The following NPY2R variants were observed in gnomAD, a reference collection of about 807,000 sequenced individuals.
The protein encoded by NPY2R is neuropeptide Y receptor Y2.
A neutral mutation model predicts 22.3 loss-of-function variants in NPY2R; 17 were observed. The observed-to-expected ratio is 0.76, with a 90% CI of 0.52 to 1.14. NPY2R has a LOEUF of 1.14. NPY2R is among the 50% of genes most tolerant of loss of function. The pLI is 0.00. For missense variants in NPY2R, 424 were observed against 467.9 expected, an observed-to-expected ratio of 0.91 and a Z score of 0.87; for synonymous variants, 209 against 183.4, an observed-to-expected ratio of 1.14 and a Z score of -1.13.
chr4:155,216,325 AT>A lies in NPY2R; in HGVS notation c.*1246del, dbSNP rs1326896715. ...AATTGTAGAACATAGATGCTACAGT[AT>A]TTTTTATTTAATTATATTATGAATA... On this transcript the variant is annotated 3_prime_UTR_variant, in exon 2 of 2. Coordinates refer to ENST00000329476, the MANE Select transcript of NPY2R (RefSeq NM_000910.4). 7.8e-5 allele frequency: 13 copies of A among 166,730 alleles called. No homozygotes were observed. Among genetic ancestry groups the A allele is most frequent in the African/African-American group, 1.2e-4 (5 of 41,548 alleles). 10.3% of individuals were successfully genotyped at this position (166,730 alleles called of 1,614,324 possible). A position where few individuals can be genotyped will look rare whatever the true frequency, so the allele number is the denominator to read the frequency against.
chr4:155,176,324 C>G, the NPY2R span, among the ~76,000 whole-genome samples: 1 of 151,854 alleles, frequency 6.6e-6, no homozygotes, highest in African/African-American at 2.4e-5. Context: ...CGAACACCAG[C>G]AGCCCTGCCT....
chr4:155,194,337 T>G, the NPY2R span, among the ~76,000 whole-genome samples: 1 of 150,084 alleles, frequency 6.7e-6, no homozygotes, highest in African/African-American at 2.4e-5. Flanking sequence ...TACCAATGAT[T>G]TCGTCACCCA....
chr4:155,182,788 T>TTTTG, the NPY2R span, among the ~76,000 whole-genome samples: 2 of 151,862 alleles, frequency 1.3e-5, no homozygotes, highest in Middle Eastern at 3.2e-3. Flanking sequence ...TGTTCTAGGT[T>TTTTG]TTTGTTTGTT....
chr4:155,184,263 A>G, the NPY2R span, among the ~76,000 whole-genome samples: 1 of 152,174 alleles, frequency 6.6e-6, no homozygotes, highest in African/African-American at 2.4e-5. Flanking sequence ...GTCCCTTGAC[A>G]GACTGGCCTA....
At chr4:155,178,444 T>A in the NPY2R span, among the ~76,000 whole-genome samples, 1 of 152,208 alleles carries the variant, frequency 6.6e-6, no homozygotes, top group African/African-American at 2.4e-5. Flanking sequence ...GTATGTTTCA[T>A]ATACTTCTGA....
the NPY2R span, among the ~76,000 whole-genome samples, chr4:155,189,262 A>C: frequency 6.6e-6 from 1 of 152,044 alleles, no homozygotes; most frequent in Admixed American, 6.6e-5. Flanking sequence ...TCAATTATGC[A>C]GATATTATGT....
chr4:155,184,673 A>G, the NPY2R span, among the ~76,000 whole-genome samples: 70,643 of 151,474 alleles, frequency 0.47, 17,123 homozygotes, highest in East Asian at 0.69. Flanking sequence ...AAGTACAGTC[A>G]TTATTTCTTA....
the NPY2R span, among the ~76,000 whole-genome samples, chr4:155,186,310 T>C: frequency 2.0e-5 from 3 of 152,152 alleles, no homozygotes; most frequent in African/African-American, 7.2e-5. Context: ...TAAATCATAT[T>C]TTAGGTTATT....
the NPY2R span, among the ~76,000 whole-genome samples, chr4:155,192,627 T>G: frequency 6.6e-6 from 1 of 151,998 alleles, no homozygotes; most frequent in Non-Finnish European, 1.5e-5. Context: ...AATTAATTGC[T>G]TAACAGCTTT....
the NPY2R span, among the ~76,000 whole-genome samples, chr4:155,203,406 G>A: frequency 6.6e-6 from 1 of 152,306 alleles, no homozygotes; most frequent in East Asian, 1.9e-4. Context: ...GAAGGTCAGA[G>A]AAGGAAGTCA....
At chr4:155,175,817 TAAAG>T in the NPY2R span, among the ~76,000 whole-genome samples, 3 of 143,772 alleles carry the variant, frequency 2.1e-5, no homozygotes, top group African/African-American at 5.2e-5. Flanking sequence ...AAGAAATAAA[TAAAG>T]AAAGAAGGAA....
At chr4:155,186,000 A>G in the NPY2R span, among the ~76,000 whole-genome samples, 1 of 152,192 alleles carries the variant, frequency 6.6e-6, no homozygotes, top group Non-Finnish European at 1.5e-5. Context: ...TTCATTAACA[A>G]GACCAGAAAG....
chr4:155,201,746 T>C, the NPY2R span, among the ~76,000 whole-genome samples: 1 of 152,092 alleles, frequency 6.6e-6, no homozygotes, highest in African/African-American at 2.4e-5. Flanking sequence ...CCCATAAAGT[T>C]TGATGCAAAC....
the NPY2R span, among the ~76,000 whole-genome samples, chr4:155,188,754 A>T: frequency 6.6e-6 from 1 of 152,112 alleles, no homozygotes; most frequent in Non-Finnish European, 1.5e-5. Flanking sequence ...GCTAGCAGCC[A>T]TCTGATCTTT....
At chr4:155,188,424 T>A in the NPY2R span, among the ~76,000 whole-genome samples, 3,220 of 152,238 alleles carry the variant, frequency 0.021, 107 homozygotes, top group African/African-American at 0.075. Flanking sequence ...GCATTGTCTG[T>A]AGACTCTAAG....
chr4:155,185,071 G>T, the NPY2R span, among the ~76,000 whole-genome samples: 54 of 147,746 alleles, frequency 3.7e-4, no homozygotes, highest in South Asian at 4.3e-4. Flanking sequence ...ATGGAGTCTC[G>T]CTCTGTCACC....
At chr4:155,183,858 C>T in the NPY2R span, among the ~76,000 whole-genome samples, 2 of 152,140 alleles carry the variant, frequency 1.3e-5, no homozygotes, top group East Asian at 3.9e-4. Flanking sequence ...CTGCAAAACA[C>T]TATACCCTCA....
chr4:155,214,619 T>G lies in NPY2R; in HGVS notation c.680T>G (p.Leu227Trp), dbSNP rs753935175. ...TATAGTCTTTCTTCCTTGTTGATCT[T>G]GTATGTTTTGCCTCTGGGCATTATA... ...TVYSLSSLLI[L>W]YVLPLGIISF... Residue 227 changes from leucine (L) to tryptophan (W), a missense_variant, in exon 2 of 2, where the codon TTG becomes TGG. Coordinates refer to ENST00000329476, the MANE Select transcript of NPY2R (RefSeq NM_000910.4). The G allele has an allele frequency of 6.2e-7, 1 of 1,614,202 alleles. No individual in the cohort carries two copies. The highest frequency in any genetic ancestry group is 1.3e-5 in the African/African-American group (1 of 75,058).
At chr4:155,212,085 G>T (rs2111041187) in intron 1 of NPY2R, among the ~76,000 whole-genome samples, 1 of 152,222 alleles carries the variant, frequency 6.6e-6, no homozygotes, top group Middle Eastern at 3.4e-3. Flanking sequence ...GGAAGGAGCT[G>T]GGGGGCACAT....
Sources: gnomAD v4.1 joint callset for allele counts (sites outside exome capture counted in the v4.1 genomes callset) on GRCh38, gnomAD v4.1.1 for gene constraint, MANE v1.5 for transcripts, NCBI Gene and HGNC (gene_info 2026-07-23, HGNC 2026-07-21) for gene names.